Variants in RORA observed in about 807,000 individuals in gnomAD.
The protein encoded by RORA is RAR related orphan receptor A.
A neutral mutation model predicts 69.5 loss-of-function variants in RORA; 7 were observed. The observed-to-expected ratio is 0.10, with a 90% CI of 0.06 to 0.19. The LOEUF (loss-of-function observed/expected upper bound fraction) is 0.19, where lower values mean the gene tolerates loss of function less well. Among genes scored for constraint, RORA ranks in the 10% least tolerant of loss-of-function variants. The pLI is 1.00. For missense variants in RORA, 457 were observed against 663.0 expected (o/e 0.69, Z 3.41); for synonymous variants, 261 against 240.8 (o/e 1.08, Z -0.78).
At chr15:61,028,083 TC>T (rs1172856410) in intron 1 of RORA, among the ~76,000 whole-genome samples, 1 of 152,200 alleles carries the variant, frequency 6.6e-6, no homozygotes, top group East Asian at 1.9e-4. Flanking sequence ...GCCCTGGGAA[TC>T]CCATTCCTCT....
intron 1 of RORA, among the ~76,000 whole-genome samples, chr15:60,947,699 A>AG (rs1487221740): frequency 6.6e-6 from 1 of 151,168 alleles, no homozygotes; most frequent in African/African-American, 2.4e-5. Context: ...AAAAAAAAAA[A>AG]AAAAAAAAAA....
chr15:61,033,844 A>G (rs1463842233), intron 1 of RORA, among the ~76,000 whole-genome samples: 1 of 152,102 alleles, frequency 6.6e-6, no homozygotes, highest in Non-Finnish European at 1.5e-5. Context: ...TGAGGTGGGA[A>G]GATTCCTTGA....
chr15:60,967,302 ATCATGTGTTCTTTTTAGCCTCTACT>A (rs1226442506), intron 1 of RORA, among the ~76,000 whole-genome samples: 1 of 152,196 alleles, frequency 6.6e-6, no homozygotes, highest in Non-Finnish European at 1.5e-5. Context: ...GTTTTCACGT[ATCATGTGTTCTTTTTAGCCTCTACT>A]TCATTACCCC....
In RORA at chr15:60,516,572, G is replaced by T. The variant is rs370464063; in HGVS notation, c.283-1815C>A. On this transcript the variant is annotated intron_variant, in intron 3 of 10. Coordinates refer to ENST00000335670, the MANE Select transcript of RORA (RefSeq NM_134261.3). Reference sequence around the variant, plus strand: ...TGACCCCAATGAGGGCGACACTAGTGGGGAGAGGTAAAATCCTAAAGAATT... The same window carrying T: ...TGACCCCAATGAGGGCGACACTAGTTGGGAGAGGTAAAATCCTAAAGAATT... Among the ~76,000 whole-genome samples, 7 of 152,088 alleles carry T rather than the reference G, an allele frequency of 4.6e-5. No homozygotes were observed. In the East Asian group the frequency reaches 7.8e-4, roughly 17 times the overall value.
At chr15:61,177,046 T>C (rs764647789) in intron 1 of RORA, among the ~76,000 whole-genome samples, 3 of 152,116 alleles carry the variant, frequency 2.0e-5, no homozygotes, top group Non-Finnish European at 4.4e-5. Flanking sequence ...TGGATATCGA[T>C]GATTGAAGAT....
At position 60,597,512 on chromosome 15, in the gene RORA, T is replaced by TACACACACAC. The variant is rs56774445; in HGVS notation, c.197-65671_197-65662dup. Among the ~76,000 whole-genome samples, 33 of 43,216 alleles carry TACACACACAC rather than the reference T, an allele frequency of 7.6e-4. 1 individual carries two copies. Among genetic ancestry groups the TACACACACAC allele is most frequent in the East Asian group, 2.7e-3 (2 of 746 alleles). The allele number at this position is 43,216 out of a possible 152,430, so 28.4% of individuals were successfully genotyped here. ...CTATACCTGGCAGTGGTACAGGAGA[T>TACACACACAC]ACACACACACACACACACACACACA... On this transcript the variant is annotated intron_variant, in intron 2 of 10. Coordinates refer to ENST00000335670, the MANE Select transcript of RORA (RefSeq NM_134261.3).
chr15:60,904,859 T>A (rs1891489629), intron 1 of RORA, among the ~76,000 whole-genome samples: 1 of 151,768 alleles, frequency 6.6e-6, no homozygotes, highest in Non-Finnish European at 1.5e-5. Flanking sequence ...GGTGGTGTGG[T>A]TTGGGGTGGT....
chr15:61,006,031 C>G (rs774757872), intron 1 of RORA, among the ~76,000 whole-genome samples: 1 of 152,016 alleles, frequency 6.6e-6, no homozygotes, highest in Non-Finnish European at 1.5e-5. Context: ...TGCAGTGGCG[C>G]GATCTTGGCT....
In RORA at chr15:61,114,217, T is replaced by A. The variant is rs58743178; in HGVS notation, c.166+114836A>T. Among the ~76,000 whole-genome samples the A allele has an allele frequency of 4.0e-4, 61 of 152,224 alleles. No individual in the cohort carries two copies. In the East Asian group the frequency reaches 0.011, roughly 27 times the overall value. Reference sequence around the variant, plus strand: ...TGATGTCACTGCTTTGCCTATCCAATGTCATCTCATCCCTCTCCCCCAAAC... The same window carrying A: ...TGATGTCACTGCTTTGCCTATCCAAAGTCATCTCATCCCTCTCCCCCAAAC... On this transcript the variant is annotated intron_variant, in intron 1 of 10. Transcript: ENST00000335670.
intron 1 of RORA, among the ~76,000 whole-genome samples, chr15:60,772,659 T>C (rs2072095814): frequency 6.6e-6 from 1 of 152,216 alleles, no homozygotes; most frequent in African/African-American, 2.4e-5. Flanking sequence ...TTGCTTTGCC[T>C]TTTTGCTCCT....
At chr15:61,029,172 C>A (rs1253960441) in intron 1 of RORA, among the ~76,000 whole-genome samples, 2 of 151,960 alleles carry the variant, frequency 1.3e-5, no homozygotes. Context: ...TAAACACCAA[C>A]CCGAACCAGA....
chr15:61,199,791 A>G (rs1054143755), intron 1 of RORA, among the ~76,000 whole-genome samples: 5 of 152,248 alleles, frequency 3.3e-5, no homozygotes, highest in African/African-American at 1.2e-4. Context: ...TAAATCAGGA[A>G]ACTGATAACA....
chr15:60,961,599 T>C (rs1391896168), intron 1 of RORA, among the ~76,000 whole-genome samples: 1 of 152,192 alleles, frequency 6.6e-6, no homozygotes, highest in Non-Finnish European at 1.5e-5. Context: ...AGGAGCCTCT[T>C]TCCTTTGAAA....
intron 1 of RORA, among the ~76,000 whole-genome samples, chr15:60,691,187 A>C (rs1394777470): frequency 1.3e-5 from 2 of 151,938 alleles, no homozygotes; most frequent in Non-Finnish European, 2.9e-5. Flanking sequence ...ATCCATTCAG[A>C]TCTTTGCTCA....
chr15:60,796,055 G>C (rs772337544), intron 1 of RORA, among the ~76,000 whole-genome samples: 2 of 152,210 alleles, frequency 1.3e-5, no homozygotes, highest in Admixed American at 6.5e-5. Context: ...AAAAAGGGAA[G>C]TGCAAAGTGA....
At chr15:60,916,575 A>T (rs990530116) in intron 1 of RORA, among the ~76,000 whole-genome samples, 1 of 151,774 alleles carries the variant, frequency 6.6e-6, no homozygotes, top group Non-Finnish European at 1.5e-5. Flanking sequence ...ATAGCTTACC[A>T]CTCATCCATC....
At chr15:61,143,483 C>T (rs1191241065) in intron 1 of RORA, among the ~76,000 whole-genome samples, 1 of 152,042 alleles carries the variant, frequency 6.6e-6, no homozygotes, top group Non-Finnish European at 1.5e-5. Context: ...TGAGCATTGC[C>T]AGTAAAATTC....
chr15:60,977,644 C>T (rs1445492101), intron 1 of RORA, among the ~76,000 whole-genome samples: 1 of 152,130 alleles, frequency 6.6e-6, no homozygotes, highest in Non-Finnish European at 1.5e-5. Flanking sequence ...CTGGCAACCA[C>T]TAATATATTT....
At chr15:60,863,725 T>C (rs570085824) in intron 1 of RORA, among the ~76,000 whole-genome samples, 1 of 152,280 alleles carries the variant, frequency 6.6e-6, no homozygotes, top group South Asian at 2.1e-4. Context: ...TCAAACTCAG[T>C]CAATACTAGC....
Sources: allele counts gnomAD v4.1 joint callset (sites outside exome capture counted in the v4.1 genomes callset), GRCh38; gene constraint gnomAD v4.1.1; transcripts MANE v1.5; gene names NCBI Gene and HGNC (gene_info 2026-07-23, HGNC 2026-07-21).